ENDOG: variants seen among roughly 807,000 people sequenced by gnomAD.
ENDOG encodes endonuclease G.
Under a neutral mutation model 22.6 loss-of-function variants are expected in ENDOG, and 22 were observed. That is an observed-to-expected ratio of 0.97 (90% CI 0.70 to 1.39). The LOEUF is 1.39. ENDOG is among the 40% of genes most tolerant of loss of function. The pLI is 0.00. For missense variants in ENDOG, 403 were observed against 431.3 expected, an observed-to-expected ratio of 0.93 and a Z score of 0.58; for synonymous variants, 173 against 200.2, an observed-to-expected ratio of 0.86 and a Z score of 1.15.
chr9:128,822,302 C>A, intron 2 of ENDOG, 26 bp from the exon 3 acceptor site: 6 of 1,605,046 alleles, frequency 3.7e-6, no homozygotes, highest in Non-Finnish European at 5.1e-6. Flanking sequence ...GGCCCCCTGC[C>A]CACGTGTGCC....
In ENDOG at chr9:128,820,863, A is replaced by AG; in HGVS notation, c.611+21dup. On this transcript the variant is annotated intron_variant, in intron 2 of 2. Coordinates refer to ENST00000372642, the MANE Select transcript of ENDOG (RefSeq NM_004435.2). ...TTCCTGCCCAGGTAAGGTGGAAACCAGGGGGGCGGCAGAACCTCCCACTCA... is the reference window on the plus strand; with the variant it reads ...TTCCTGCCCAGGTAAGGTGGAAACCAGGGGGGGCGGCAGAACCTCCCACTCA... 5 of 1,593,670 alleles carry AG rather than the reference A, an allele frequency of 3.1e-6. No individual in the cohort carries two copies. The highest frequency in any genetic ancestry group is 4.3e-6 in the Non-Finnish European group (5 of 1,168,624).
In ENDOG at chr9:128,819,170, C is replaced by A; in HGVS notation, c.486C>A (p.Ser162Arg). ...CCATGGACGACACGTTCTACCTGAG[C>A]AACGTCGCGCCCCAGGTAGCGCCCG... ...QKAMDDTFYLSNVAPQVPHLN... is the reference protein window; with the variant it reads ...QKAMDDTFYLRNVAPQVPHLN... The change falls in exon 1 of 3, where the codon AGC (serine) becomes AGA (arginine). Residue 162 changes from serine (S) to arginine (R), a missense_variant. By Grantham distance (110) the Ser-to-Arg change is moderately radical. Transcript: ENST00000372642. The A allele has an allele frequency of 2.0e-6, 3 of 1,494,128 alleles. No individual in the cohort carries two copies. The highest frequency in any genetic ancestry group is 2.7e-6 in the Non-Finnish European group (3 of 1,126,716). 92.6% of individuals were successfully genotyped at this position (1,494,128 alleles called of 1,614,324 possible).
intron 2 of ENDOG, 33 bp from the exon 3 acceptor site, chr9:128,822,295 C>A (rs1186303095): frequency 6.2e-7 from 1 of 1,601,330 alleles, no homozygotes; most frequent in East Asian, 2.2e-5. Flanking sequence ...TCATCCAGGC[C>A]CCCTGCCCAC....
rs1190554593 is a variant in ENDOG at position 128,822,170 on chromosome 9, C to T, written c.612-158C>T. 3 of 838,298 alleles carry T rather than the reference C, an allele frequency of 3.6e-6. No homozygotes were observed. The South Asian group carries it at 5.4e-5, about 15-fold the overall frequency. The allele number at this position is 838,298 out of a possible 1,614,324, so 51.9% of individuals were successfully genotyped here. A position where few individuals can be genotyped will look rare whatever the true frequency, so the allele number is the denominator to read the frequency against. ...TAACCACCCTGGAGAGAGTTCCAGC[C>T]TCAAGGAGGAGCCAGGCAGGCTACA... On this transcript the variant is annotated intron_variant, in intron 2 of 2. Coordinates refer to ENST00000372642, the MANE Select transcript of ENDOG (RefSeq NM_004435.2).
At position 128,822,364 on chromosome 9, in the gene ENDOG, G is replaced by C; in HGVS notation, c.648G>C (p.Gln216His). The change falls in exon 3 of 3, where the codon CAG becomes CAC. Residue 216 changes from glutamine (Q) to histidine (H), a missense_variant. Gln to His is a conservative substitution (Grantham distance 24). Coordinates refer to ENST00000372642, the MANE Select transcript of ENDOG (RefSeq NM_004435.2). Reference protein sequence around the residue: ...EADGKSYVKYQVIGKNHVAVP... With the variant: ...EADGKSYVKYHVIGKNHVAVP... ...ATGGGAAATCCTACGTAAAGTACCA[G>C]GTCATCGGCAAGAACCACGTGGCAG... The C allele has an allele frequency of 1.2e-6, 2 of 1,614,018 alleles. No individual in the cohort carries two copies. Among genetic ancestry groups the C allele is most frequent in the Non-Finnish European group, 1.7e-6 (2 of 1,180,018 alleles).
Position 128,818,546 on chromosome 9 carries a change from G to T in ENDOG, c.-139G>T, listed in dbSNP as rs1260010088. The T allele has an allele frequency of 4.1e-6, 4 of 969,652 alleles. No individual in the cohort carries two copies. The highest frequency in any genetic ancestry group is 3.8e-6 in the Non-Finnish European group (3 of 797,758). 60.1% of individuals were successfully genotyped at this position (969,652 alleles called of 1,614,324 possible). A position where few individuals can be genotyped will look rare whatever the true frequency, so the allele number is the denominator to read the frequency against. ...CTCCCTTCTGGGTTCCGAGGCCCAA[G>T]CCCTTGGCAGTGTTTGTGAGTGGAA... On this transcript the variant is annotated 5_prime_UTR_variant, in exon 1 of 3. Coordinates refer to ENST00000372642, the MANE Select transcript of ENDOG (RefSeq NM_004435.2).
chr9:128,822,226 G>C (rs1830133687), intron 2 of ENDOG, 102 bp from the exon 3 acceptor site: 2 of 1,428,990 alleles, frequency 1.4e-6, no homozygotes, highest in African/African-American at 2.8e-5. Flanking sequence ...TGGTCCTGCA[G>C]GTTGACAGAA....
At position 128,822,099 on chromosome 9, in the gene ENDOG, T is replaced by G. The variant is rs1319718465; in HGVS notation, c.612-229T>G. The G allele has an allele frequency of 8.5e-6, 5 of 586,212 alleles. No homozygotes were observed. In the Admixed American group the frequency reaches 1.5e-4, roughly 18 times the overall value. 36.3% of individuals were successfully genotyped at this position (586,212 alleles called of 1,614,324 possible). A position where few individuals can be genotyped will look rare whatever the true frequency, so the allele number is the denominator to read the frequency against. ...CCTAGCAGCGTTTATTGTCGCCCAC[T>G]CTGCCTGACCCAGTGTTGGGCATAA... is the stretch of plus-strand genomic sequence containing the variant. On this transcript the variant is annotated intron_variant, in intron 2 of 2. Transcript: ENST00000372642.
intron 1 of ENDOG, 102 bp downstream of exon 1, chr9:128,819,287 G>C (rs1421619183): frequency 4.4e-6 from 6 of 1,363,982 alleles, no homozygotes; most frequent in Middle Eastern, 2.7e-4. Context: ...TGCCCAACGC[G>C]CCCCCGGTCA....
At chr9:128,819,488 C>T (rs1314450272) in intron 1 of ENDOG, among the ~76,000 whole-genome samples, 1 of 152,188 alleles carries the variant, frequency 6.6e-6, no homozygotes, top group Non-Finnish European at 1.5e-5. Flanking sequence ...GGCGCTGAGG[C>T]TCACAGAGGC....
chr9:128,820,986 C>T lies in ENDOG; in HGVS notation c.611+138C>T, dbSNP rs1049708580. 14 of 745,744 alleles carry T rather than the reference C, an allele frequency of 1.9e-5. No individual in the cohort carries two copies. The African/African-American group carries it at 2.4e-4, about 13-fold the overall frequency. The allele number at this position is 745,744 out of a possible 1,614,324, so 46.2% of individuals were successfully genotyped here. The stretch of plus-strand genomic sequence containing the variant: ...TCTGGTTTCTTGGCAAGCCTGTCAG[C>T]TTCCCTGCCTCGAGTCCCCTCATTC... On this transcript the variant is annotated intron_variant, in intron 2 of 2. Coordinates refer to ENST00000372642, the MANE Select transcript of ENDOG (RefSeq NM_004435.2).
In ENDOG at chr9:128,822,538, G is replaced by C; in HGVS notation, c.822G>C (p.Ser274=). The C allele has an allele frequency of 6.4e-7, 1 of 1,559,540 alleles. No individual in the cohort carries two copies. Among genetic ancestry groups the C allele is most frequent in the Non-Finnish European group, 8.7e-7 (1 of 1,151,316 alleles). ...LVPIESIERA[S]GLLFVPNILA... ...CCATCGAGAGCATTGAGCGGGCTTC[G>C]GGGCTGCTCTTTGTGCCAAACATCC... Residue 274 remains serine, a synonymous_variant, in exon 3 of 3, where the codon TCG becomes TCC. Coordinates refer to ENST00000372642, the MANE Select transcript of ENDOG (RefSeq NM_004435.2).
In ENDOG at chr9:128,822,382, C is replaced by G; in HGVS notation, c.666C>G (p.His222Gln). 1.2e-6 allele frequency: 2 copies of G among 1,613,666 alleles called. No homozygotes were observed. The highest frequency in any genetic ancestry group is 1.7e-6 in the Non-Finnish European group (2 of 1,179,872). Residue 222 changes from histidine to glutamine, a missense_variant, in exon 3 of 3, where the codon CAC (histidine) becomes CAG (glutamine). His to Gln is a conservative substitution (Grantham distance 24). Coordinates refer to ENST00000372642, the MANE Select transcript of ENDOG (RefSeq NM_004435.2). ...AGTACCAGGTCATCGGCAAGAACCA[C>G]GTGGCAGTGCCCACACACTTCTTCA... ...YVKYQVIGKN[H>Q]VAVPTHFFKV... is the part of the protein sequence containing the mutation.
intron 2 of ENDOG, 102 bp downstream of exon 2, chr9:128,820,950 T>G: frequency 2.0e-6 from 2 of 1,011,916 alleles, no homozygotes; most frequent in Non-Finnish European, 3.0e-6. Flanking sequence ...TCAATACCAG[T>G]TCCCTACTCA....
intron 1 of ENDOG, chr9:128,819,772 C>G (rs1395888494): frequency 6.4e-6 from 1 of 155,676 alleles, no homozygotes. Context: ...CTAGACAGTC[C>G]TATCTGGAGG....
rs1166664889 is a variant in ENDOG, at chr9:128,818,928, G to A, written c.244G>A (p.Val82Met). Residue 82 changes from valine to methionine, a missense_variant, in exon 1 of 3, where the codon GTG becomes ATG. Val to Met is a conservative substitution (Grantham distance 21, BLOSUM62 1). Transcript: ENST00000372642. Reference protein sequence around the residue: ...LAQLKSRESYVLCYDPRTRGA... With the variant: ...LAQLKSRESYMLCYDPRTRGA... ...GCAGCTCAAGAGCCGCGAGTCGTAC[G>A]TGCTGTGCTACGACCCGCGCACCCG... is the stretch of plus-strand genomic sequence containing the variant. The A allele has an allele frequency of 6.0e-6, 9 of 1,488,508 alleles. No homozygotes were observed. In the South Asian group the frequency reaches 1.1e-4, roughly 19 times the overall value. 92.2% of individuals were successfully genotyped at this position (1,488,508 alleles called of 1,614,324 possible).
Position 128,818,918 on chromosome 9 carries a change from C to G in ENDOG, c.234C>G (p.Arg78=). 1 of 1,479,216 alleles carries G rather than the reference C, an allele frequency of 6.8e-7. No homozygotes were observed. Among genetic ancestry groups the G allele is most frequent in the South Asian group, 1.3e-5 (1 of 78,096 alleles). The allele number at this position is 1,479,216 out of a possible 1,614,324, so 91.6% of individuals were successfully genotyped here. The change falls in exon 1 of 3, where the codon CGC becomes CGG. Residue 78 remains arginine (R), a synonymous_variant. Transcript: ENST00000372642. Reference sequence around the variant, plus strand: ...CGGGGCTGGCGCAGCTCAAGAGCCGCGAGTCGTACGTGCTGTGCTACGACC... The same window carrying G: ...CGGGGCTGGCGCAGCTCAAGAGCCGGGAGTCGTACGTGCTGTGCTACGACC... ...GLPGLAQLKS[R]ESYVLCYDPR... is the part of the protein sequence containing the mutation.
In ENDOG at chr9:128,819,072, G is replaced by A; in HGVS notation, c.388G>A (p.Ala130Thr). Residue 130 changes from alanine to threonine, a missense_variant, in exon 1 of 3, where the codon GCC (alanine) becomes ACC (threonine). Coordinates refer to ENST00000372642, the MANE Select transcript of ENDOG (RefSeq NM_004435.2). ...GCACGCGTACCACCGTGCCACCAAC[G>A]CCGACTACCGCGGCAGTGGCTTCGA... ...SVHAYHRATN[A>T]DYRGSGFDRG... The A allele has an allele frequency of 6.6e-7, 1 of 1,516,886 alleles. No individual in the cohort carries two copies. Among genetic ancestry groups the A allele is most frequent in the Non-Finnish European group, 8.8e-7 (1 of 1,138,526 alleles). The allele number at this position is 1,516,886 out of a possible 1,614,324, so 94.0% of individuals were successfully genotyped here. A position where few individuals can be genotyped will look rare whatever the true frequency, so the allele number is the denominator to read the frequency against.
At chr9:128,819,287 G>A in intron 1 of ENDOG, 102 bp downstream of exon 1, 1 of 1,364,100 alleles carries the variant, frequency 7.3e-7, no homozygotes, top group Non-Finnish European at 9.4e-7. Context: ...TGCCCAACGC[G>A]CCCCCGGTCA....
Sources: gnomAD v4.1 joint callset for allele counts (sites outside exome capture counted in the v4.1 genomes callset) on GRCh38, gnomAD v4.1.1 for gene constraint, MANE v1.5 for transcripts, NCBI Gene and HGNC (gene_info 2026-07-23, HGNC 2026-07-21) for gene names.